Variants in RRP36 observed in about 807,000 individuals in gnomAD.
The protein encoded by RRP36 is ribosomal RNA processing 36.
A neutral mutation model predicts 39.8 loss-of-function variants in RRP36; 44 were observed. That is an observed-to-expected ratio of 1.10 (90% CI 0.87 to 1.42). RRP36 has a LOEUF of 1.42. Ranked by LOEUF, RRP36 falls within the 40% of genes most tolerant of loss-of-function variation. The probability of loss-of-function intolerance (pLI) is 0.00; values close to 1 mark genes in which losing one functional copy is unlikely to be tolerated. For missense variants in RRP36, 316 were observed against 322.4 expected (o/e 0.98, Z 0.15); for synonymous variants, 124 against 123.1 (o/e 1.01, Z -0.05).
chr6:43,023,011 G>C (rs1386012782), intron 1 of RRP36, among the ~76,000 whole-genome samples: 2 of 152,138 alleles, frequency 1.3e-5, no homozygotes, highest in Non-Finnish European at 2.9e-5. Flanking sequence ...GCCTCCCAAG[G>C]ATTACAGGAT....
chr6:43,025,597 T>G, intron 3 of RRP36, among the ~76,000 whole-genome samples: 1 of 129,568 alleles, frequency 7.7e-6, no homozygotes, highest in African/African-American at 3.1e-5. Context: ...CCCTACAGCC[T>G]GTGGGACAGA....
chr6:43,026,096 CA>C lies in RRP36; in HGVS notation c.409del (p.Thr137HisfsTer5). The C allele has an allele frequency of 6.2e-7, 1 of 1,613,778 alleles. No homozygotes were observed. The highest frequency in any genetic ancestry group is 8.5e-7 in the Non-Finnish European group (1 of 1,179,808). On this transcript the variant is annotated frameshift_variant, in exon 4 of 7. Coordinates refer to ENST00000244496, the MANE Select transcript of RRP36 (RefSeq NM_033112.4). LOFTEE classifies it high-confidence loss of function. ...GGGAATATAATCCTGAGGTGTTTGA[CA>C]AAACATACCAATTCTTGAATGACAT... ...SGEYNPEVFD[K>X]TYQFLNDIRA...
intron 6 of RRP36, among the ~76,000 whole-genome samples, chr6:43,027,842 C>A (rs77576476): frequency 6.6e-6 from 1 of 150,568 alleles, no homozygotes; most frequent in Non-Finnish European, 1.5e-5. Context: ...CACACACACA[C>A]ACACAATCAG....
rs1358681379 is a variant in RRP36, at chr6:43,025,044, AC to A, written c.191del (p.Thr64SerfsTer6). The A allele has an allele frequency of 6.2e-7, 1 of 1,614,230 alleles. No individual in the cohort carries two copies. Among genetic ancestry groups the A allele is most frequent in the Non-Finnish European group, 8.5e-7 (1 of 1,180,048 alleles). ...ATTGCAGAGCCAAGTGGGGACTAAG[AC>A]GTACAAACAATTGGTAGCTGGAAAT... ...LELQSQVGTKTYKQLVAGNSP... is the reference protein window; with the variant it reads ...LELQSQVGTKXYKQLVAGNSP... On this transcript the variant is annotated frameshift_variant, in exon 2 of 7. Transcript: ENST00000244496. LOFTEE classifies it high-confidence loss of function.
intron 4 of RRP36, among the ~76,000 whole-genome samples, chr6:43,026,976 G>T (rs760973825): frequency 3.3e-5 from 5 of 152,088 alleles, no homozygotes; most frequent in Admixed American, 6.6e-5. Context: ...TGAGGCAGGG[G>T]AATTGCTTGA....
intron 5 of RRP36, 25 bp from the exon 6 acceptor site, chr6:43,027,335 C>T: frequency 6.2e-7 from 1 of 1,612,968 alleles, no homozygotes; most frequent in Non-Finnish European, 8.5e-7. Flanking sequence ...CCCTCCCGTT[C>T]ACCCATCTCA....
In RRP36 at chr6:43,027,855, T is replaced by G. The variant is rs553626908; in HGVS notation, c.643+378T>G. Among the ~76,000 whole-genome samples, 98 of 150,070 alleles carry G rather than the reference T, an allele frequency of 6.5e-4. 3 individuals carry two copies. In the South Asian group the frequency reaches 0.02, roughly 31 times the overall value. On this transcript the variant is annotated intron_variant, in intron 6 of 6. Coordinates refer to ENST00000244496, the MANE Select transcript of RRP36 (RefSeq NM_033112.4). ...CACACACACACACACACAATCAGTTTTATCTCTTGGTCTATACTACACACA... is the reference window on the plus strand; with the variant it reads ...CACACACACACACACACAATCAGTTGTATCTCTTGGTCTATACTACACACA...
chr6:43,022,134 C>G (rs1668651700), intron 1 of RRP36, among the ~76,000 whole-genome samples: 1 of 151,790 alleles, frequency 6.6e-6, no homozygotes, highest in Admixed American at 6.6e-5. Flanking sequence ...GAGACGGAGT[C>G]TCTCTCTGTC....
intron 6 of RRP36, among the ~76,000 whole-genome samples, chr6:43,028,688 C>T (rs544745725): frequency 6.6e-6 from 1 of 151,870 alleles, no homozygotes; most frequent in East Asian, 1.9e-4. Flanking sequence ...CAGTGGCTCA[C>T]GCCTGTAATC....
chr6:43,027,600 T>C lies in RRP36; in HGVS notation c.643+123T>C, dbSNP rs183983060. The C allele has an allele frequency of 3.7e-4, 289 of 782,432 alleles. 1 individual carries two copies. In the African/African-American group the frequency reaches 4.5e-3, roughly 12 times the overall value. The allele number at this position is 782,432 out of a possible 1,614,324, so 48.5% of individuals were successfully genotyped here. On this transcript the variant is annotated intron_variant, in intron 6 of 6. Coordinates refer to ENST00000244496, the MANE Select transcript of RRP36 (RefSeq NM_033112.4). ...CATGAAGGCTGGATCCCATGGTAAC[T>C]TGGAGGAAAGTAGAAATAGTAGGGA...
In RRP36 at chr6:43,021,665, C is replaced by G. The variant is rs575703356; in HGVS notation, c.11C>G (p.Ala4Gly). The G allele has an allele frequency of 2.3e-5, 29 of 1,269,700 alleles. No homozygotes were observed. In the African/African-American group the frequency reaches 3.3e-4, roughly 15 times the overall value. 78.7% of individuals were successfully genotyped at this position (1,269,700 alleles called of 1,614,324 possible). MPG[A>G]NYRAGAGAGA... ...CGCTACTGCCAGCTGATGCCGGGAG[C>G]TAACTACCGCGCCGGGGCCGGGGCC... The change falls in exon 1 of 7, where the codon GCT (alanine) becomes GGT (glycine). Residue 4 changes from alanine (A) to glycine (G), a missense_variant. Transcript: ENST00000244496.
intron 3 of RRP36, among the ~76,000 whole-genome samples, 200 bp downstream of exon 3, chr6:43,025,529 A>G (rs987424635): frequency 1.3e-5 from 2 of 150,402 alleles, no homozygotes; most frequent in African/African-American, 4.9e-5. Flanking sequence ...AAACTGAGGC[A>G]CAAGAATCGC....
Position 43,029,319 on chromosome 6 carries a change from AG to A in RRP36, c.*93del. 1 of 1,465,078 alleles carries A rather than the reference AG, an allele frequency of 6.8e-7. No homozygotes were observed. The highest frequency in any genetic ancestry group is 9.4e-7 in the Non-Finnish European group (1 of 1,060,736). The allele number at this position is 1,465,078 out of a possible 1,614,324, so 90.8% of individuals were successfully genotyped here. On this transcript the variant is annotated 3_prime_UTR_variant, in exon 7 of 7. Coordinates refer to ENST00000244496, the MANE Select transcript of RRP36 (RefSeq NM_033112.4). Reference sequence around the variant, plus strand: ...CACGGCTGGTTTCCGTTCAAGGGCAAGGATCACAGCTGCCCTTGAATCTCAT... The same window carrying A: ...CACGGCTGGTTTCCGTTCAAGGGCAAGATCACAGCTGCCCTTGAATCTCAT...
chr6:43,028,955 A>G, intron 6 of RRP36, 137 bp from the exon 7 acceptor site: 1 of 1,194,278 alleles, frequency 8.4e-7, no homozygotes, highest in Non-Finnish European at 1.2e-6. Flanking sequence ...TCCGTCTCAG[A>G]AAAAAGATAG....
chr6:43,021,646 T>C lies in RRP36; in HGVS notation c.-9T>C. The C allele has an allele frequency of 7.8e-7, 1 of 1,282,754 alleles. No homozygotes were observed. The highest frequency in any genetic ancestry group is 9.9e-7 in the Non-Finnish European group (1 of 1,013,562). The allele number at this position is 1,282,754 out of a possible 1,614,324, so 79.5% of individuals were successfully genotyped here. On this transcript the variant is annotated 5_prime_UTR_variant, in exon 1 of 7. Coordinates refer to ENST00000244496, the MANE Select transcript of RRP36 (RefSeq NM_033112.4). ...GCGCCATTCGTCTTCCGAGCGCTAC[T>C]GCCAGCTGATGCCGGGAGCTAACTA...
At position 43,024,541 on chromosome 6, in the gene RRP36, A is replaced by G. The variant is rs1032272283; in HGVS notation, c.131-444A>G. Among the ~76,000 whole-genome samples the G allele has an allele frequency of 2.0e-5, 3 of 152,042 alleles. No individual in the cohort carries two copies. The East Asian group carries it at 5.8e-4, about 29-fold the overall frequency. ...TATTTTCGATGCCTCTCTCAGGCTGAATTGAGGCGCATAGCTTTGAGAGGA... is the reference window on the plus strand; with the variant it reads ...TATTTTCGATGCCTCTCTCAGGCTGGATTGAGGCGCATAGCTTTGAGAGGA... On this transcript the variant is annotated intron_variant, in intron 1 of 6. Coordinates refer to ENST00000244496, the MANE Select transcript of RRP36 (RefSeq NM_033112.4).
intron 6 of RRP36, 118 bp from the exon 7 acceptor site, chr6:43,028,974 C>T: frequency 7.6e-7 from 1 of 1,321,476 alleles, no homozygotes. Context: ...AGAGGGGCAC[C>T]AGTGAGCTTT....
rs371077361 is a variant in RRP36 at position 43,027,363 on chromosome 6, C to T, written c.529C>T (p.Gln177Ter). Residue 177 changes from glutamine to a stop codon, truncating the protein, a stop_gained, in exon 6 of 7, where the codon CAG becomes TAG. Coordinates refer to ENST00000244496, the MANE Select transcript of RRP36 (RefSeq NM_033112.4). LOFTEE classifies it high-confidence loss of function. Reference protein sequence around the residue: ...KLQQLLQRMEQQEMAQQERKQ... With the variant: ...KLQQLLQRME The stretch of plus-strand genomic sequence containing the variant: ...CCATCTCATCTTTGCTCCTCAGGAG[C>T]AGCAAGAAATGGCACAGCAGGAACG... 3.1e-6 allele frequency: 5 copies of T among 1,613,890 alleles called. No individual in the cohort carries two copies. The highest frequency in any genetic ancestry group is 4.2e-6 in the Non-Finnish European group (5 of 1,179,872).
chr6:43,026,040 G>A lies in RRP36; in HGVS notation c.349G>A (p.Ala117Thr), dbSNP rs145019013. The stretch of plus-strand genomic sequence containing the variant: ...ATTCTCTCTCTTCTCTCCAAAGGTA[G>A]CCCGGGACCCTCGCTTTGATGATCT... The part of the protein sequence containing the change: ...RQVVPISKKV[A>T]RDPRFDDLSG... Residue 117 changes from alanine to threonine, a missense_variant, in exon 4 of 7, where the codon GCC becomes ACC. Transcript: ENST00000244496. The A allele has an allele frequency of 1.8e-5, 29 of 1,611,400 alleles. No individual in the cohort carries two copies. Among genetic ancestry groups the A allele is most frequent in the Non-Finnish European group, 2.5e-5 (29 of 1,177,794 alleles).
Sources: allele counts gnomAD v4.1 joint callset (sites outside exome capture counted in the v4.1 genomes callset), GRCh38; gene constraint gnomAD v4.1.1; transcripts MANE v1.5; gene names NCBI Gene and HGNC (gene_info 2026-07-23, HGNC 2026-07-21).